The following SND1 variants were observed in gnomAD, a reference collection of about 807,000 sequenced individuals.
SND1 encodes the protein staphylococcal nuclease and tudor domain containing 1, also known as staphylococcal nuclease domain-containing protein 1.
A neutral mutation model predicts 121.7 loss-of-function variants in SND1; 38 were observed. The observed-to-expected ratio is 0.31, with a 90% CI of 0.24 to 0.41. SND1 has a LOEUF of 0.41. Ranked by LOEUF, SND1 falls within the 10% of genes least tolerant of loss-of-function variation. The pLI, the probability that SND1 is intolerant of heterozygous loss-of-function variation, is 1.00. For missense variants in SND1, 868 were observed against 1,184.6 expected, an observed-to-expected ratio of 0.73 and a Z score of 3.92; for synonymous variants, 401 against 447.4, an observed-to-expected ratio of 0.90 and a Z score of 1.31.
intron 14 of SND1, among the ~76,000 whole-genome samples, chr7:127,917,170 A>G (rs181230634): frequency 7.9e-5 from 12 of 152,318 alleles, no homozygotes; most frequent in African/African-American, 2.2e-4. Context: ...TAGAACCCCA[A>G]TATAATATCC....
At chr7:127,753,321 G>A (rs1470691747) in intron 10 of SND1, among the ~76,000 whole-genome samples, 1 of 152,200 alleles carries the variant, frequency 6.6e-6, no homozygotes, top group African/African-American at 2.4e-5. Flanking sequence ...ATAGGAAACA[G>A]TGTACTTTTA....
rs1240981706 is a variant in SND1 at position 128,030,411 on chromosome 7, G to C, written c.1779+39355G>C. 1 of 1,613,862 alleles carries C rather than the reference G, an allele frequency of 6.2e-7. No individual in the cohort carries two copies. Among genetic ancestry groups the C allele is most frequent in the Non-Finnish European group, 8.5e-7 (1 of 1,180,036 alleles). ...GTTCTCCATGAGGTTGAGGTACCGG[G>C]TGTTCGAGGGAATACCCTGCGGGAC... On this transcript the variant is annotated intron_variant, in intron 16 of 23. Coordinates refer to ENST00000354725, the MANE Select transcript of SND1 (RefSeq NM_014390.4).
intron 10 of SND1, among the ~76,000 whole-genome samples, chr7:127,779,439 A>G (rs1208513624): frequency 6.6e-6 from 1 of 151,896 alleles, no homozygotes; most frequent in African/African-American, 2.4e-5. Context: ...TGATTCTGCC[A>G]CTCTCCTTAT....
At chr7:127,727,235 G>A (rs192323339) in intron 10 of SND1, among the ~76,000 whole-genome samples, 2 of 152,198 alleles carry the variant, frequency 1.3e-5, no homozygotes, top group East Asian at 1.9e-4. Flanking sequence ...GACCTGGCCC[G>A]CCTGGCTCTC....
At chr7:127,830,141 G>T (rs545881094) in intron 11 of SND1, among the ~76,000 whole-genome samples, 1 of 152,302 alleles carries the variant, frequency 6.6e-6, no homozygotes, top group East Asian at 1.9e-4. Context: ...CCAACACTCT[G>T]GGAGGCCGAG....
At chr7:127,736,619 ACAGATACATGTTC>A (rs1796780587) in intron 10 of SND1, among the ~76,000 whole-genome samples, 1 of 152,248 alleles carries the variant, frequency 6.6e-6, no homozygotes, top group Admixed American at 6.5e-5. Context: ...GGTTTGTACC[ACAGATACATGTTC>A]CCAGAGGGGC....
chr7:127,741,859 G>A (rs1038104267), intron 10 of SND1, among the ~76,000 whole-genome samples: 5 of 152,128 alleles, frequency 3.3e-5, no homozygotes, highest in African/African-American at 9.7e-5. Context: ...AGTGTTTCCC[G>A]AGAGTGAGGT....
chr7:128,085,913 G>C lies in SND1; in HGVS notation c.2304+133G>C. 3 of 784,656 alleles carry C rather than the reference G, an allele frequency of 3.8e-6. No individual in the cohort carries two copies. The South Asian group carries it at 5.0e-5, about 13-fold the overall frequency. 48.6% of individuals were successfully genotyped at this position (784,656 alleles called of 1,614,324 possible). A position where few individuals can be genotyped will look rare whatever the true frequency, so the allele number is the denominator to read the frequency against. On this transcript the variant is annotated intron_variant, in intron 20 of 23. Coordinates refer to ENST00000354725, the MANE Select transcript of SND1 (RefSeq NM_014390.4). The surrounding 1 kb of genome is among the most constrained non-coding windows in gnomAD (Gnocchi z 4.4). ...GAGCATTGGGGCATCTCTGCTGTGC[G>C]TGTAACAGGCCAGGCCCCCTCAGTG...
intron 10 of SND1, among the ~76,000 whole-genome samples, chr7:127,751,915 G>A (rs977436816): frequency 6.6e-6 from 1 of 152,210 alleles, no homozygotes; most frequent in Non-Finnish European, 1.5e-5. Flanking sequence ...CTGACTGCTC[G>A]CGGGAGCATT....
chr7:127,680,158 G>T (rs552880013), intron 1 of SND1, among the ~76,000 whole-genome samples: 4 of 152,274 alleles, frequency 2.6e-5, no homozygotes, highest in African/African-American at 9.6e-5. Flanking sequence ...CAAAAGGGGA[G>T]GGAGTGTACA....
In SND1 at chr7:127,652,428, G is replaced by A. The variant is rs904885616; in HGVS notation, c.55G>A (p.Val19Met). Residue 19 changes from valine (V) to methionine (M), a missense_variant, in exon 1 of 24, where the codon GTG becomes ATG. Transcript: ENST00000354725. ...CTCCGGGGGACCCGCGGTCCCCACC[G>A]TGCAGCGGGGCATCATCAAGATGGT... is the stretch of plus-strand genomic sequence containing the variant. ...GSSGGPAVPT[V>M]QRGIIKMVLS... The A allele has an allele frequency of 3.2e-6, 5 of 1,586,738 alleles. No individual in the cohort carries two copies. The highest frequency in any genetic ancestry group is 4.3e-6 in the Non-Finnish European group (5 of 1,167,056).
At chr7:127,654,694 T>C (rs1368199547) in intron 1 of SND1, among the ~76,000 whole-genome samples, 1 of 152,212 alleles carries the variant, frequency 6.6e-6, no homozygotes, top group Non-Finnish European at 1.5e-5. Flanking sequence ...TAGTGGCATA[T>C]ACAATTCAGT....
At position 127,915,996 on chromosome 7, in the gene SND1, A is replaced by ATGTGTG. The variant is rs57570326; in HGVS notation, c.1527+11209_1527+11214dup. Among the ~76,000 whole-genome samples the ATGTGTG allele has an allele frequency of 5.5e-3, 818 of 149,130 alleles. 5 individuals carry two copies. The highest frequency in any genetic ancestry group is 9.0e-3 in the Non-Finnish European group (604 of 67,074). On this transcript the variant is annotated intron_variant, in intron 14 of 23. Coordinates refer to ENST00000354725, the MANE Select transcript of SND1 (RefSeq NM_014390.4). ...GGGAGTAGAATAATTAGAACAGCAT[A>ATGTGTG]TGTGTGTGTGTGTGTGTGTGTGTGT...
chr7:127,855,019 T>C (rs1170203101), intron 12 of SND1, among the ~76,000 whole-genome samples: 1 of 152,048 alleles, frequency 6.6e-6, no homozygotes, highest in Non-Finnish European at 1.5e-5. Context: ...GAGTGCTTTT[T>C]TTTTTTTTTA....
chr7:127,695,980 C>G (rs928357223), intron 3 of SND1, among the ~76,000 whole-genome samples: 2 of 152,068 alleles, frequency 1.3e-5, no homozygotes, highest in African/African-American at 2.4e-5. Flanking sequence ...GGAGTTGGAA[C>G]AGAAATAGGA....
At chr7:127,909,828 C>T (rs1407551114) in intron 14 of SND1, among the ~76,000 whole-genome samples, 8 of 152,204 alleles carry the variant, frequency 5.3e-5, no homozygotes, top group Non-Finnish European at 1.5e-5. Context: ...CCCTGTTATT[C>T]ATGAAACGAA....
intron 11 of SND1, among the ~76,000 whole-genome samples, chr7:127,843,948 CATT>C (rs1418235374): frequency 3.3e-5 from 5 of 152,306 alleles, no homozygotes; most frequent in Admixed American, 3.3e-4. Flanking sequence ...AGTGGTATCT[CATT>C]GTTGTTTAAG....
chr7:127,953,218 G>GTGTA (rs1364447839), intron 15 of SND1, among the ~76,000 whole-genome samples: 6 of 60,746 alleles, frequency 9.9e-5, no homozygotes, highest in Non-Finnish European at 2.0e-4. Context: ...GTGTGTGTGT[G>GTGTA]TGTATGTATG....
intron 1 of SND1, among the ~76,000 whole-genome samples, chr7:127,675,214 A>G (rs1795595009): frequency 6.6e-6 from 1 of 152,082 alleles, no homozygotes; most frequent in Non-Finnish European, 1.5e-5. Flanking sequence ...AAAACAAAAA[A>G]ACCCTTCATT....
Sources: gnomAD v4.1 joint callset for allele counts (sites outside exome capture counted in the v4.1 genomes callset) on GRCh38, gnomAD v4.1.1 for gene constraint, Gnocchi (gnomAD v3.1) non-coding constraint, MANE v1.5 for transcripts, NCBI Gene and HGNC (gene_info 2026-07-23, HGNC 2026-07-21) for gene names.